PAPPA: variants seen among roughly 807,000 people sequenced by gnomAD.
The protein encoded by PAPPA is pappalysin 1, also known as pappalysin-1.
In PAPPA, 60 loss-of-function variants were observed where a neutral mutation model predicts 164.0. That is an observed-to-expected ratio of 0.37 (90% CI 0.30 to 0.45). The LOEUF (loss-of-function observed/expected upper bound fraction) is 0.45, where lower values mean the gene tolerates loss of function less well. Ranked by LOEUF, PAPPA falls within the 20% of genes least tolerant of loss-of-function variation. The probability of loss-of-function intolerance (pLI) is 1.00; values close to 1 mark genes in which losing one functional copy is unlikely to be tolerated. For missense variants in PAPPA, 1,782 were observed against 2,087.3 expected (o/e 0.85, Z 2.85); for synonymous variants, 875 against 814.1 (o/e 1.07, Z -1.27).
chr9:116,190,662 C>T (rs1844030388), intron 2 of PAPPA, among the ~76,000 whole-genome samples: 1 of 152,222 alleles, frequency 6.6e-6, no homozygotes, highest in African/African-American at 2.4e-5. Context: ...AGCAGCTGGC[C>T]TTTGCAGAGC....
intron 1 of PAPPA, among the ~76,000 whole-genome samples, chr9:116,183,276 G>A (rs1392116467): frequency 6.6e-6 from 1 of 152,076 alleles, no homozygotes; most frequent in Non-Finnish European, 1.5e-5. Flanking sequence ...ATGACATAAG[G>A]CATCTAATTC....
intron 21 of PAPPA, among the ~76,000 whole-genome samples, chr9:116,387,744 C>CAGTT (rs1047081131): frequency 8.5e-5 from 13 of 152,320 alleles, no homozygotes; most frequent in East Asian, 3.9e-4. Context: ...TAAATTCACA[C>CAGTT]AGTTAGCAAG....
intron 5 of PAPPA, among the ~76,000 whole-genome samples, chr9:116,220,773 C>A (rs1844434825): frequency 1.3e-5 from 2 of 151,478 alleles, no homozygotes; most frequent in Non-Finnish European, 2.9e-5. Flanking sequence ...GTAATCCCAG[C>A]TACATGGGAG....
At chr9:116,220,908 A>T (rs1844437131) in intron 5 of PAPPA, among the ~76,000 whole-genome samples, 1 of 151,966 alleles carries the variant, frequency 6.6e-6, no homozygotes, top group South Asian at 2.1e-4. Context: ...AAAAGAATGC[A>T]TATACATATA....
intron 10 of PAPPA, among the ~76,000 whole-genome samples, chr9:116,320,131 T>C (rs1290912565): frequency 6.6e-6 from 1 of 152,234 alleles, no homozygotes; most frequent in Non-Finnish European, 1.5e-5. Flanking sequence ...TAGTATGCTG[T>C]AGGGCAATAC....
At chr9:116,248,952 A>T (rs909782298) in intron 7 of PAPPA, among the ~76,000 whole-genome samples, 15 of 152,342 alleles carry the variant, frequency 9.8e-5, no homozygotes, top group African/African-American at 3.4e-4. Flanking sequence ...AGAATCTTAC[A>T]GCATGGTCAC....
At chr9:116,350,586 A>G (rs1846268364) in intron 15 of PAPPA, among the ~76,000 whole-genome samples, 1 of 152,222 alleles carries the variant, frequency 6.6e-6, no homozygotes, top group African/African-American at 2.4e-5. Context: ...ATAATTTACC[A>G]TATACATAGC....
chr9:116,344,618 C>G lies in PAPPA; in HGVS notation c.3687C>G (p.Ser1229Arg). 11 of 1,614,162 alleles carry G rather than the reference C, an allele frequency of 6.8e-6. No homozygotes were observed. Among genetic ancestry groups the G allele is most frequent in the Non-Finnish European group, 9.3e-6 (11 of 1,179,984 alleles). Residue 1229 changes from serine to arginine, a missense_variant, in exon 14 of 22, where the codon AGC (serine) becomes AGG (arginine). Transcript: ENST00000328252. ...AGAATGCTTCTCTCAATTGCTCCAG[C>G]AGCGACCGCTACCACGGTGCCCAGT... The part of the protein sequence containing the change: ...AVENASLNCS[S>R]SDRYHGAQCT...
At chr9:116,350,712 A>G (rs529101655) in intron 15 of PAPPA, among the ~76,000 whole-genome samples, 2 of 152,136 alleles carry the variant, frequency 1.3e-5, no homozygotes, top group African/African-American at 4.8e-5. Flanking sequence ...CCTTCCCACT[A>G]ACCTTGTGCA....
chr9:116,294,554 C>A (rs1845477609), intron 9 of PAPPA, among the ~76,000 whole-genome samples: 3 of 152,312 alleles, frequency 2.0e-5, no homozygotes, highest in Middle Eastern at 3.4e-3. Context: ...CCAGAGGAAA[C>A]ATATGCCAAT....
intron 7 of PAPPA, among the ~76,000 whole-genome samples, chr9:116,253,441 A>G (rs1158377646): frequency 1.3e-5 from 2 of 152,136 alleles, no homozygotes; most frequent in African/African-American, 2.4e-5. Context: ...CACAACAAAA[A>G]CTAATAAAAC....
At chr9:116,225,648 G>C (rs1284649690) in intron 5 of PAPPA, among the ~76,000 whole-genome samples, 1 of 152,122 alleles carries the variant, frequency 6.6e-6, no homozygotes, top group African/African-American at 2.4e-5. Context: ...GCTATTTAAT[G>C]ATTCTCTTAT....
chr9:116,281,637 C>T (rs1845268640), intron 9 of PAPPA, among the ~76,000 whole-genome samples: 1 of 152,190 alleles, frequency 6.6e-6, no homozygotes, highest in Non-Finnish European at 1.5e-5. Flanking sequence ...GCTGCAGTAG[C>T]TCATTTCAAA....
chr9:116,352,973 A>C, intron 16 of PAPPA, 57 bp downstream of exon 16: 1 of 1,299,842 alleles, frequency 7.7e-7, no homozygotes, highest in Non-Finnish European at 1.1e-6. Context: ...AGTTAGGTTC[A>C]AATGCCTGAC....
At chr9:116,325,636 G>A (rs1472394225) in intron 10 of PAPPA, among the ~76,000 whole-genome samples, 1 of 152,180 alleles carries the variant, frequency 6.6e-6, no homozygotes, top group Admixed American at 6.5e-5. Flanking sequence ...CTAGGATGAG[G>A]ATGAGAAGCA....
chr9:116,209,050 G>T (rs1844273874), intron 3 of PAPPA, among the ~76,000 whole-genome samples: 1 of 152,078 alleles, frequency 6.6e-6, no homozygotes, highest in South Asian at 2.1e-4. Flanking sequence ...CCACTACAAA[G>T]AATTATACAG....
chr9:116,203,019 G>T (rs1010010253), intron 2 of PAPPA, among the ~76,000 whole-genome samples: 2 of 152,162 alleles, frequency 1.3e-5, no homozygotes, highest in African/African-American at 4.8e-5. Context: ...ACAACCAGCA[G>T]AGTATAGTGA....
intron 10 of PAPPA, among the ~76,000 whole-genome samples, chr9:116,307,429 G>A (rs1357262363): frequency 2.6e-5 from 4 of 151,892 alleles, no homozygotes; most frequent in South Asian, 2.1e-4. Context: ...GTGAAACCCC[G>A]TCTCTACTAA....
Position 116,153,944 on chromosome 9 carries a change from G to C in PAPPA, c.-229G>C, listed in dbSNP as rs952081420. On this transcript the variant is annotated 5_prime_UTR_variant, in exon 1 of 22. Coordinates refer to ENST00000328252, the MANE Select transcript of PAPPA (RefSeq NM_002581.5). ...TAAGGCAGATAAAGGAGCGGGGAGA[G>C]AAATTAATTGCCAACCAGGAGGAGT... The C allele has an allele frequency of 1.5e-5, 5 of 324,404 alleles. No individual in the cohort carries two copies. Among genetic ancestry groups the C allele is most frequent in the Non-Finnish European group, 2.4e-5 (5 of 206,226 alleles). The allele number at this position is 324,404 out of a possible 1,614,324, so 20.1% of individuals were successfully genotyped here.
Sources: gnomAD v4.1 joint callset for allele counts (sites outside exome capture counted in the v4.1 genomes callset) on GRCh38, gnomAD v4.1.1 for gene constraint, MANE v1.5 for transcripts, NCBI Gene and HGNC (gene_info 2026-07-23, HGNC 2026-07-21) for gene names.